ACOX2: variants seen among roughly 807,000 people sequenced by gnomAD.
The protein encoded by ACOX2 is peroxisomal acyl-coenzyme A oxidase 2.
A neutral mutation model predicts 77.5 loss-of-function variants in ACOX2; 59 were observed. The ratio of observed to expected loss-of-function variants is 0.76; its 90% CI spans 0.62 to 0.95. ACOX2 has a LOEUF of 0.95. ACOX2 is among the 40% of genes least tolerant of loss of function. ACOX2 has a pLI of 0.00. For missense variants in ACOX2, 837 were observed against 880.4 expected (o/e 0.95, Z 0.62); for synonymous variants, 317 against 340.1 (o/e 0.93, Z 0.75).
chr3:58,509,608 C>CGG (rs1276271369), intron 13 of ACOX2, among the ~76,000 whole-genome samples: 3 of 120,438 alleles, frequency 2.5e-5, no homozygotes, highest in Non-Finnish European at 5.1e-5. Flanking sequence ...CAATTTCAAT[C>CGG]TGTTTTTTTT....
chr3:58,534,018 AC>A lies in ACOX2; in HGVS notation c.450del (p.Tyr151MetfsTer29). On this transcript the variant is annotated frameshift_variant, in exon 4 of 15. Coordinates refer to ENST00000302819, the MANE Select transcript of ACOX2 (RefSeq NM_003500.4). LOFTEE classifies it high-confidence loss of function. This position sits in a 1 kb window ranked among gnomAD's most constrained non-coding sequence, Gnocchi z 4.8. ...PLCKNIQIIA[T>X]YAQTELGHGT... The stretch of plus-strand genomic sequence containing the variant: ...CCATGTCCCAACTCTGTCTGTGCAT[AC>A]GTTGCGATGATCTGGATGTTTTTGC... 1 of 1,614,112 alleles carries A rather than the reference AC, an allele frequency of 6.2e-7. No individual in the cohort carries two copies. Among genetic ancestry groups the A allele is most frequent in the East Asian group, 2.2e-5 (1 of 44,880 alleles).
At chr3:58,520,781 C>T (rs575084562) in intron 12 of ACOX2, among the ~76,000 whole-genome samples, 6 of 152,318 alleles carry the variant, frequency 3.9e-5, no homozygotes, top group South Asian at 4.1e-4. Flanking sequence ...CTGTCAGGGA[C>T]GTGTTCTTCC....
intron 14 of ACOX2, among the ~76,000 whole-genome samples, chr3:58,507,614 T>C (rs1161348490): frequency 1.3e-5 from 2 of 152,216 alleles, no homozygotes; most frequent in Non-Finnish European, 2.9e-5. Context: ...CATTTATCTT[T>C]AGACCATGGA....
chr3:58,537,028 G>A (rs766701411), intron 1 of ACOX2, 91 bp downstream of exon 1: 3 of 152,420 alleles, frequency 2.0e-5, no homozygotes, highest in African/African-American at 7.2e-5. Flanking sequence ...GCCTTGCTCA[G>A]GGTCTCTCGG....
chr3:58,520,985 T>A (rs2063354260), intron 12 of ACOX2, among the ~76,000 whole-genome samples: 1 of 152,216 alleles, frequency 6.6e-6, no homozygotes, highest in Admixed American at 6.5e-5. Context: ...CCCAGGGCTG[T>A]GTGGATTAAA....
chr3:58,512,139 G>A lies in ACOX2; in HGVS notation c.1851-3114C>T, dbSNP rs1247079757. Among the ~76,000 whole-genome samples the A allele has an allele frequency of 2.0e-5, 3 of 152,080 alleles. No homozygotes were observed. Among genetic ancestry groups the A allele is most frequent in the African/African-American group, 4.8e-5 (2 of 41,400 alleles). The stretch of plus-strand genomic sequence containing the variant: ...TGTATCTGAACCCAAACTCCTTCCC[G>A]TCCACCCTGCCCAAACCTGGGCCTC... On this transcript the variant is annotated intron_variant, in intron 13 of 14. Transcript: ENST00000302819. The surrounding 1 kb of genome is among the most constrained non-coding windows in gnomAD (Gnocchi z 4.8).
At chr3:58,510,354 C>T (rs950826794) in intron 13 of ACOX2, among the ~76,000 whole-genome samples, 3 of 151,730 alleles carry the variant, frequency 2.0e-5, no homozygotes, top group African/African-American at 4.8e-5. Context: ...TTCAACAGGC[C>T]GGGCGCGATG....
rs570785315 is a variant in ACOX2 at position 58,514,943 on chromosome 3, C to T, written c.1850+2263G>A. 6.6e-6 allele frequency among the ~76,000 whole-genome samples: 1 copy of T among 152,292 alleles called. No individual in the cohort carries two copies. The highest frequency in any genetic ancestry group is 6.5e-5 in the Admixed American group (1 of 15,298). ...TTAATAGTTTTCACCACTGGATTCC[C>T]TGTATTAGGGAAAGTTTTATACCTG... On this transcript the variant is annotated intron_variant, in intron 13 of 14. Transcript: ENST00000302819. This position sits in a 1 kb window ranked among gnomAD's most constrained non-coding sequence, Gnocchi z 4.3.
chr3:58,513,120 C>G (rs1261166105), intron 13 of ACOX2, among the ~76,000 whole-genome samples: 1 of 152,148 alleles, frequency 6.6e-6, no homozygotes, highest in Non-Finnish European at 1.5e-5. Context: ...GTAGCTCCCC[C>G]TCCTCCCTAC....
In ACOX2 at chr3:58,531,761, C is replaced by T. The variant is rs1316393760; in HGVS notation, c.635G>A (p.Gly212Glu). The change falls in exon 6 of 15, where the codon GGA becomes GAA. Residue 212 changes from glycine (G) to glutamate (E), a missense_variant. Gly to Glu is a moderately conservative substitution (Grantham distance 98). Coordinates refer to ENST00000302819, the MANE Select transcript of ACOX2 (RefSeq NM_003500.4). This position sits in a 1 kb window ranked among gnomAD's most constrained non-coding sequence, Gnocchi z 5.8. ...ALVQAQLICS[G>E]ARRGMHAFIV... Reference sequence around the variant, plus strand: ...AAAAGCGTGCATGCCCCGCCTGGCTCCTGAGCAGATCAGCTGGGCCTGGAC... The same window carrying T: ...AAAAGCGTGCATGCCCCGCCTGGCTTCTGAGCAGATCAGCTGGGCCTGGAC... The T allele has an allele frequency of 1.2e-6, 2 of 1,614,084 alleles. No individual in the cohort carries two copies. Among genetic ancestry groups the T allele is most frequent in the African/African-American group, 2.7e-5 (2 of 74,934 alleles).
At chr3:58,508,175 G>A (rs1236760221) in intron 14 of ACOX2, among the ~76,000 whole-genome samples, 1 of 152,130 alleles carries the variant, frequency 6.6e-6, no homozygotes, top group African/African-American at 2.4e-5. Flanking sequence ...TTCCCAAAGA[G>A]GCTCATAAGC....
At chr3:58,530,405 G>A in intron 8 of ACOX2, 61 bp downstream of exon 8, 2 of 1,574,292 alleles carry the variant, frequency 1.3e-6, no homozygotes, top group Non-Finnish European at 1.7e-6. Context: ...GTGTCAGGGG[G>A]AGGCACTGTG....
chr3:58,532,571 A>C (rs1384738275), intron 5 of ACOX2, among the ~76,000 whole-genome samples: 1 of 152,016 alleles, frequency 6.6e-6, no homozygotes, highest in Non-Finnish European at 1.5e-5. Context: ...TTTTTAGTAG[A>C]GATGAGGTTT....
rs1270901947 is a variant in ACOX2, at chr3:58,512,284, A to T, written c.1851-3259T>A. Among the ~76,000 whole-genome samples the T allele has an allele frequency of 2.6e-5, 4 of 152,186 alleles. No individual in the cohort carries two copies. The East Asian group carries it at 7.7e-4, about 29-fold the overall frequency. On this transcript the variant is annotated intron_variant, in intron 13 of 14. Coordinates refer to ENST00000302819, the MANE Select transcript of ACOX2 (RefSeq NM_003500.4). This position sits in a 1 kb window ranked among gnomAD's most constrained non-coding sequence, Gnocchi z 4.8. ...CAGCAAATCCTGTTCTGCCTTCAAG[A>T]TATATTCAAACTTCAACCATTCCCA...
Position 58,505,159 on chromosome 3 carries a change from C to T in ACOX2, c.*65G>A. The T allele has an allele frequency of 1.5e-6, 2 of 1,304,552 alleles. No individual in the cohort carries two copies. The highest frequency in any genetic ancestry group is 1.1e-6 in the Non-Finnish European group (1 of 928,604). The allele number at this position is 1,304,552 out of a possible 1,614,324, so 80.8% of individuals were successfully genotyped here. ...TATCTAATTTAAAATTTTAATGTTGCATATATGCCATAGTACCATTATCAC... is the reference window on the plus strand; with the variant it reads ...TATCTAATTTAAAATTTTAATGTTGTATATATGCCATAGTACCATTATCAC... On this transcript the variant is annotated 3_prime_UTR_variant, in exon 15 of 15. Transcript: ENST00000302819. This position sits in a 1 kb window ranked among gnomAD's most constrained non-coding sequence, Gnocchi z 4.4.
chr3:58,534,934 A>G lies in ACOX2; in HGVS notation c.160+13T>C. On this transcript the variant is annotated intron_variant, in intron 2 of 14. Transcript: ENST00000302819. This position sits in a 1 kb window ranked among gnomAD's most constrained non-coding sequence, Gnocchi z 4.8. ...GCATAAAACAGATGTCCCATTCCCCAGCTTCCCCTTACCAACTTTCCTGCG... is the reference window on the plus strand; with the variant it reads ...GCATAAAACAGATGTCCCATTCCCCGGCTTCCCCTTACCAACTTTCCTGCG... 1 of 1,614,058 alleles carries G rather than the reference A, an allele frequency of 6.2e-7. No individual in the cohort carries two copies. The highest frequency in any genetic ancestry group is 8.5e-7 in the Non-Finnish European group (1 of 1,179,894).
intron 8 of ACOX2, 98 bp from the exon 9 acceptor site, chr3:58,529,054 TA>T (rs1479849833): frequency 1.5e-6 from 2 of 1,302,554 alleles, no homozygotes; most frequent in Admixed American, 5.3e-5. Context: ...GACAGTTCCT[TA>T]GAACTCATTG....
chr3:58,524,172 A>G lies in ACOX2; in HGVS notation c.1526+254T>C, dbSNP rs569414385. Among the ~76,000 whole-genome samples, 1 of 152,336 alleles carries G rather than the reference A, an allele frequency of 6.6e-6. No individual in the cohort carries two copies. The highest frequency in any genetic ancestry group is 1.9e-4 in the East Asian group (1 of 5,184). On this transcript the variant is annotated intron_variant, in intron 11 of 14. Transcript: ENST00000302819. This position sits in a 1 kb window ranked among gnomAD's most constrained non-coding sequence, Gnocchi z 5.5. ...ATAGGACCCTAGAGATTTTAAAAAT[A>G]TCTCACTGGCCAGAGGTGTGATGTC...
intron 1 of ACOX2, among the ~76,000 whole-genome samples, chr3:58,536,098 C>T (rs2063479275): frequency 6.6e-6 from 1 of 152,036 alleles, no homozygotes; most frequent in East Asian, 1.9e-4. Context: ...GTCTACCCAA[C>T]CCTACTCCAC....
Sources: gnomAD v4.1 joint callset for allele counts (sites outside exome capture counted in the v4.1 genomes callset) on GRCh38, gnomAD v4.1.1 for gene constraint, Gnocchi (gnomAD v3.1) non-coding constraint, MANE v1.5 for transcripts, NCBI Gene and HGNC (gene_info 2026-07-23, HGNC 2026-07-21) for gene names.